DUOXA1: variants seen among roughly 807,000 people sequenced by gnomAD.
DUOXA1 encodes the protein dual oxidase maturation factor 1.
In DUOXA1, 19 loss-of-function variants were observed where a neutral mutation model predicts 26.6. The observed-to-expected ratio is 0.71, with a 90% CI of 0.50 to 1.05. DUOXA1 has a LOEUF of 1.05. DUOXA1 is among the 50% of genes least tolerant of loss of function. The pLI, the probability that DUOXA1 is intolerant of heterozygous loss-of-function variation, is 0.00. For missense variants in DUOXA1, 403 were observed against 427.5 expected (o/e 0.94, Z 0.51); for synonymous variants, 166 against 177.0 (o/e 0.94, Z 0.49).
chr15:45,117,792 G>C lies in DUOXA1; in HGVS notation c.*1314C>G, dbSNP rs1465675115. On this transcript the variant is annotated 3_prime_UTR_variant, in exon 9 of 9. Transcript: ENST00000560572. ...GGCCCAGCGCTCTTCGCACCCTTCTGGACCAAAGCGCCAAGGACTGCAGCC... is the reference window on the plus strand; with the variant it reads ...GGCCCAGCGCTCTTCGCACCCTTCTCGACCAAAGCGCCAAGGACTGCAGCC... 11 of 1,613,860 alleles carry C rather than the reference G, an allele frequency of 6.8e-6. No homozygotes were observed. Among genetic ancestry groups the C allele is most frequent in the Non-Finnish European group, 8.5e-6 (10 of 1,180,050 alleles).
rs148093420 is a variant in DUOXA1 at position 45,117,838 on chromosome 15, CTT to C, written c.*1266_*1267del. 805 of 1,613,826 alleles carry C rather than the reference CTT, an allele frequency of 5.0e-4. 3 individuals are homozygous for C. The African/African-American group carries it at 9.9e-3, about 20-fold the overall frequency. ...CAGCCAGGAGAGAGGGGGCTCACCT[CTT>C]ATCCTCGGCGACCCACTGCACAAGC... On this transcript the variant is annotated 3_prime_UTR_variant, in exon 9 of 9. Coordinates refer to ENST00000560572, the MANE Select transcript of DUOXA1 (RefSeq NM_001276266.2).
intron 5 of DUOXA1, among the ~76,000 whole-genome samples, chr15:45,121,812 C>T (rs1345503990): frequency 2.0e-5 from 3 of 152,212 alleles, no homozygotes; most frequent in Non-Finnish European, 4.4e-5. Context: ...CCACTGTGCC[C>T]GGCCTCACGG....
chr15:45,120,146 C>T lies in DUOXA1; in HGVS notation c.729G>A (p.Leu243=), dbSNP rs1356836569. ...AGAAGGCAGGCCCATGGTGAGTATG[C>T]AGCACAGAAGCGCCCAGGTGCAGGG... ...PCPLHLGASV[L]HTHHGPAFWI... The change falls in exon 8 of 9, where the codon CTG becomes CTA. Residue 243 remains leucine, a synonymous_variant. Coordinates refer to ENST00000560572, the MANE Select transcript of DUOXA1 (RefSeq NM_001276266.2). 20 of 1,613,852 alleles carry T rather than the reference C, an allele frequency of 1.2e-5. No individual in the cohort carries two copies. The highest frequency in any genetic ancestry group is 1.6e-5 in the Non-Finnish European group (19 of 1,179,978).
chr15:45,118,913 A>G lies in DUOXA1; in HGVS notation c.*193T>C. 7.6e-7 allele frequency: 1 copy of G among 1,309,680 alleles called. No homozygotes were observed. The allele number at this position is 1,309,680 out of a possible 1,614,324, so 81.1% of individuals were successfully genotyped here. On this transcript the variant is annotated 3_prime_UTR_variant, in exon 9 of 9. Coordinates refer to ENST00000560572, the MANE Select transcript of DUOXA1 (RefSeq NM_001276266.2). ...TTATGGACAGGCCCAGCATCTCTTC[A>G]GTCCCTTAGGGCTTTTTGTTTTGTT...
chr15:45,123,758 T>C (rs1228362333), intron 3 of DUOXA1, among the ~76,000 whole-genome samples: 1 of 152,236 alleles, frequency 6.6e-6, no homozygotes, highest in Non-Finnish European at 1.5e-5. Context: ...ATGGCCCTTC[T>C]CTTTGATTCA....
At position 45,117,423 on chromosome 15, in the gene DUOXA1, T is replaced by C; in HGVS notation, c.*1683A>G. ...CTATTACCCTATTTGCCCCTCTCAA[T>C]AGTTCGCAGAAACAGGCACTGTTAT... On this transcript the variant is annotated 3_prime_UTR_variant, in exon 9 of 9. Transcript: ENST00000560572. The C allele has an allele frequency of 6.6e-7, 1 of 1,521,226 alleles. No individual in the cohort carries two copies. Among genetic ancestry groups the C allele is most frequent in the Non-Finnish European group, 8.9e-7 (1 of 1,129,526 alleles). The allele number at this position is 1,521,226 out of a possible 1,614,324, so 94.2% of individuals were successfully genotyped here.
At chr15:45,125,451 T>G (rs576318964) in intron 3 of DUOXA1, among the ~76,000 whole-genome samples, 6 of 152,316 alleles carry the variant, frequency 3.9e-5, no homozygotes, top group Non-Finnish European at 8.8e-5. Flanking sequence ...ACCATCCTAT[T>G]TTACTCTATT....
At chr15:45,119,467 C>A in intron 8 of DUOXA1, 102 bp from the exon 9 acceptor site, 1 of 1,456,908 alleles carries the variant, frequency 6.9e-7, no homozygotes, top group East Asian at 2.5e-5. Flanking sequence ...AAGCCTAGAG[C>A]CCCTGCTTCA....
intron 4 of DUOXA1, among the ~76,000 whole-genome samples, chr15:45,122,463 T>G (rs1474520686): frequency 6.6e-6 from 1 of 152,168 alleles, no homozygotes; most frequent in Non-Finnish European, 1.5e-5. Flanking sequence ...TGGAGGGCAG[T>G]GATGCGATCT....
chr15:45,122,256 T>C lies in DUOXA1; in HGVS notation c.148-14A>G. 3 of 1,597,244 alleles carry C rather than the reference T, an allele frequency of 1.9e-6. No homozygotes were observed. Among genetic ancestry groups the C allele is most frequent in the South Asian group, 1.1e-5 (1 of 87,978 alleles). On this transcript the variant is annotated splice_polypyrimidine_tract_variant and intron_variant, in intron 4 of 8. Transcript: ENST00000560572. Reference sequence around the variant, plus strand: ...CCAGAACAGCCTCTGAGTCACAAGGTAGGTGGGTTAAGTAAAGAGTGCCTT... The same window carrying C: ...CCAGAACAGCCTCTGAGTCACAAGGCAGGTGGGTTAAGTAAAGAGTGCCTT...
intron 5 of DUOXA1, among the ~76,000 whole-genome samples, 185 bp downstream of exon 5, chr15:45,121,999 AC>A (rs1895251890): frequency 6.6e-6 from 1 of 152,112 alleles, no homozygotes; most frequent in Non-Finnish European, 1.5e-5. Flanking sequence ...CCAGGGTGAC[AC>A]CTCTCCAGGC....
intron 3 of DUOXA1, among the ~76,000 whole-genome samples, chr15:45,126,624 G>T (rs1595562236): frequency 6.6e-6 from 1 of 152,120 alleles, no homozygotes; most frequent in African/African-American, 2.4e-5. Flanking sequence ...TCTCCTTGAG[G>T]GCAGAGATTT....
In DUOXA1 at chr15:45,119,363, G is replaced by A. The variant is rs1478792868; in HGVS notation, c.775C>T (p.Leu259=). The A allele has an allele frequency of 6.2e-7, 1 of 1,605,574 alleles. No homozygotes were observed. The highest frequency in any genetic ancestry group is 2.2e-5 in the East Asian group (1 of 44,628). The stretch of plus-strand genomic sequence containing the variant: ...GCCAGGCCCAGCAGCACACACAGCA[G>A]TCCTGGAGATGAGGGCAACAATTGT... ...PAFWITLTTG[L]LCVLLGLAMA... Residue 259 remains leucine (L), a splice_region_variant and synonymous_variant, in exon 9 of 9, where the codon CTG becomes TTG. Transcript: ENST00000560572.
Position 45,119,960 on chromosome 15 carries a change from G to A in DUOXA1, c.772+143C>T, listed in dbSNP as rs980631480. 22 of 851,960 alleles carry A rather than the reference G, an allele frequency of 2.6e-5. No homozygotes were observed. In the African/African-American group the frequency reaches 3.0e-4, roughly 12 times the overall value. 52.8% of individuals were successfully genotyped at this position (851,960 alleles called of 1,614,324 possible). On this transcript the variant is annotated intron_variant, in intron 8 of 8. Transcript: ENST00000560572. ...GGGGAGAGAAAATCAGGAGATAAGA[G>A]ATACAAGAGGGTGGGACTTTAAAGA... is the stretch of plus-strand genomic sequence containing the variant.
intron 4 of DUOXA1, among the ~76,000 whole-genome samples, chr15:45,122,561 T>TTC (rs1326131162): frequency 6.9e-6 from 1 of 144,668 alleles, no homozygotes; most frequent in African/African-American, 2.7e-5. Context: ...GCCCAGCTAT[T>TTC]TTTTTTTTTT....
At position 45,118,667 on chromosome 15, in the gene DUOXA1, T is replaced by G. The variant is rs772420312; in HGVS notation, c.*439A>C. 1 of 991,712 alleles carries G rather than the reference T, an allele frequency of 1.0e-6. No homozygotes were observed. Among genetic ancestry groups the G allele is most frequent in the Non-Finnish European group, 1.2e-6 (1 of 834,904 alleles). 61.4% of individuals were successfully genotyped at this position (991,712 alleles called of 1,614,324 possible). A position where few individuals can be genotyped will look rare whatever the true frequency, so the allele number is the denominator to read the frequency against. On this transcript the variant is annotated 3_prime_UTR_variant, in exon 9 of 9. Coordinates refer to ENST00000560572, the MANE Select transcript of DUOXA1 (RefSeq NM_001276266.2). Reference sequence around the variant, plus strand: ...CAAAAGGCCACACAAGCTGGAGAAGTAAAGGAAGAACAAAAGGAACCCAGG... The same window carrying G: ...CAAAAGGCCACACAAGCTGGAGAAGGAAAGGAAGAACAAAAGGAACCCAGG...
Position 45,120,819 on chromosome 15 carries a change from C to A in DUOXA1, c.341-14G>T. ...GCACGGGGGTCCCTAGGGCACAAGG[C>A]AGCTCTGCTCAGCAGGAACCCAAGG... is the stretch of plus-strand genomic sequence containing the variant. On this transcript the variant is annotated splice_polypyrimidine_tract_variant and intron_variant, in intron 6 of 8. Coordinates refer to ENST00000560572, the MANE Select transcript of DUOXA1 (RefSeq NM_001276266.2). The A allele has an allele frequency of 2.5e-6, 4 of 1,613,704 alleles. No homozygotes were observed. Among genetic ancestry groups the A allele is most frequent in the Non-Finnish European group, 3.4e-6 (4 of 1,179,756 alleles).
Position 45,119,206 on chromosome 15 carries a change from G to T in DUOXA1, c.932C>A (p.Ala311Asp). Residue 311 changes from alanine to aspartate, a missense_variant, in exon 9 of 9, where the codon GCT (alanine) becomes GAT (aspartate). Coordinates refer to ENST00000560572, the MANE Select transcript of DUOXA1 (RefSeq NM_001276266.2). The stretch of plus-strand genomic sequence containing the variant: ...AATGTCCTGGGACTTGGGACTGTCA[G>T]CCATGGACCGGTAGCGGGGGCTCAG... Reference protein sequence around the residue: ...GLLSPRYRSMADSPKSQDIPL... With the variant: ...GLLSPRYRSMDDSPKSQDIPL... 6.2e-7 allele frequency: 1 copy of T among 1,614,124 alleles called. No individual in the cohort carries two copies. The highest frequency in any genetic ancestry group is 8.5e-7 in the Non-Finnish European group (1 of 1,179,990).
chr15:45,120,156 G>C lies in DUOXA1; in HGVS notation c.719C>G (p.Ala240Gly). 1 of 1,614,130 alleles carries C rather than the reference G, an allele frequency of 6.2e-7. No homozygotes were observed. Among genetic ancestry groups the C allele is most frequent in the Non-Finnish European group, 8.5e-7 (1 of 1,179,992 alleles). ...LTSPCPLHLG[A>G]SVLHTHHGPA... ...CCCATGGTGAGTATGCAGCACAGAA[G>C]CGCCCAGGTGCAGGGGACAGGGTGA... is the stretch of plus-strand genomic sequence containing the variant. The change falls in exon 8 of 9, where the codon GCT (alanine) becomes GGT (glycine). Residue 240 changes from alanine (A) to glycine (G), a missense_variant. Physicochemically the swap from Ala to Gly is moderately conservative, Grantham distance 60. Transcript: ENST00000560572.
Sources: allele counts gnomAD v4.1 joint callset (sites outside exome capture counted in the v4.1 genomes callset), GRCh38; gene constraint gnomAD v4.1.1; transcripts MANE v1.5; gene names NCBI Gene and HGNC (gene_info 2026-07-23, HGNC 2026-07-21).